C4orf51: variants seen among roughly 807,000 people sequenced by gnomAD.
C4orf51 encodes uncharacterized protein C4orf51.
A neutral mutation model predicts 25.2 loss-of-function variants in C4orf51; 25 were observed. That is an observed-to-expected ratio of 0.99 (90% CI 0.72 to 1.39). The LOEUF (loss-of-function observed/expected upper bound fraction) is 1.39, where lower values mean the gene tolerates loss of function less well. C4orf51 is among the 40% of genes most tolerant of loss of function. The pLI, the probability that C4orf51 is intolerant of heterozygous loss-of-function variation, is 0.00. For missense variants in C4orf51, 252 were observed against 239.6 expected, an observed-to-expected ratio of 1.05 and a Z score of -0.34; for synonymous variants, 100 against 84.5, an observed-to-expected ratio of 1.18 and a Z score of -1.01.
chr4:145,791,938 G>T, the C4orf51 span, among the ~76,000 whole-genome samples: 2 of 152,286 alleles, frequency 1.3e-5, no homozygotes, highest in African/African-American at 2.4e-5. Context: ...ACTAGGAAGC[G>T]TATGTACTCT....
intron 2 of C4orf51, among the ~76,000 whole-genome samples, chr4:145,700,173 G>T: frequency 8.8e-6 from 1 of 113,736 alleles, no homozygotes; most frequent in African/African-American, 3.5e-5. Flanking sequence ...TTATCTCTAT[G>T]CCCCAATCCC....
intron 1 of C4orf51, among the ~76,000 whole-genome samples, chr4:145,689,028 C>A (rs1729361254): frequency 6.6e-6 from 1 of 151,954 alleles, no homozygotes; most frequent in South Asian, 2.1e-4. Flanking sequence ...GAATAAAGAG[C>A]CAGAAACAGA....
downstream of C4orf51, among the ~76,000 whole-genome samples, chr4:145,757,253 T>G (rs1734016397): frequency 1.3e-5 from 2 of 152,220 alleles, no homozygotes; most frequent in Non-Finnish European, 2.9e-5. Flanking sequence ...TTCATTAAGA[T>G]AAATGGAATT....
chr4:145,750,726 T>C (rs1733626834), intron 1 of C4orf51, among the ~76,000 whole-genome samples: 1 of 152,198 alleles, frequency 6.6e-6, no homozygotes, highest in Non-Finnish European at 1.5e-5. Flanking sequence ...TTGAATAAAC[T>C]TTCTACCCCT....
intron 1 of C4orf51, among the ~76,000 whole-genome samples, chr4:145,753,984 A>C (rs190093229): frequency 3.9e-5 from 6 of 152,334 alleles, no homozygotes; most frequent in African/African-American, 1.4e-4. Context: ...GCATCATGAC[A>C]CAGTGCTGTC....
chr4:145,685,425 G>A (rs564269118), intron 1 of C4orf51, among the ~76,000 whole-genome samples: 38 of 152,238 alleles, frequency 2.5e-4, no homozygotes, highest in Admixed American at 1.8e-3. Context: ...TAGGGGCATC[G>A]GCAAGACTCC....
At chr4:145,774,110 T>C (rs1483602425), downstream of C4orf51, among the ~76,000 whole-genome samples, 1 of 152,184 alleles carries the variant, frequency 6.6e-6, no homozygotes, top group East Asian at 1.9e-4. Flanking sequence ...TTTCTTCACC[T>C]GTACTGTACA....
At chr4:145,738,998 C>T (rs1304273893) in intron 1 of C4orf51, among the ~76,000 whole-genome samples, 1 of 152,082 alleles carries the variant, frequency 6.6e-6, no homozygotes, top group African/African-American at 2.4e-5. Context: ...CTGTCCTTGT[C>T]CCTTCCCTTC....
chr4:145,714,599 T>A (rs1251786335), intron 2 of C4orf51, among the ~76,000 whole-genome samples: 1 of 152,272 alleles, frequency 6.6e-6, no homozygotes, highest in African/African-American at 2.4e-5. Context: ...CGTGGCTCAC[T>A]GTGCTTTTTC....
intron 1 of C4orf51, among the ~76,000 whole-genome samples, chr4:145,745,478 T>A (rs1733323602): frequency 6.6e-6 from 1 of 152,204 alleles, no homozygotes; most frequent in Non-Finnish European, 1.5e-5. Flanking sequence ...ACATGTCAAA[T>A]TTGTCTATGT....
chr4:145,693,845 C>T (rs1578933232), intron 1 of C4orf51, among the ~76,000 whole-genome samples: 5 of 59,850 alleles, frequency 8.4e-5, no homozygotes, highest in Admixed American at 1.6e-4. Context: ...GGGGGGCTGA[C>T]CCCCCCCACC....
downstream of C4orf51, chr4:145,774,406 C>T: frequency 1.5e-6 from 2 of 1,321,826 alleles, no homozygotes; most frequent in Non-Finnish European, 2.1e-6. Flanking sequence ...AGGAAAAGGG[C>T]AATGTCTCAG....
In C4orf51 at chr4:145,729,351, A is replaced by C. The variant is rs567251083; in HGVS notation, c.427+122A>C. On this transcript the variant is annotated intron_variant, in intron 4 of 5. Coordinates refer to ENST00000438731, the MANE Select transcript of C4orf51 (RefSeq NM_001080531.3). ...TGGAGTCTCACACTCTCCCAGGCTG[A>C]CGTGCAGTGGCGCGATCTCGGCTCA... 18 of 564,614 alleles carry C rather than the reference A, an allele frequency of 3.2e-5. No homozygotes were observed. The South Asian group carries it at 4.1e-4, about 13-fold the overall frequency. 35.0% of individuals were successfully genotyped at this position (564,614 alleles called of 1,614,324 possible).
At chr4:145,716,814 A>C (rs1283030985) in intron 2 of C4orf51, among the ~76,000 whole-genome samples, 1 of 152,188 alleles carries the variant, frequency 6.6e-6, no homozygotes, top group East Asian at 1.9e-4. Context: ...TGACTTTATA[A>C]GCATAGTACA....
chr4:145,744,618 G>A (rs1202596221), intron 1 of C4orf51, among the ~76,000 whole-genome samples: 1 of 152,012 alleles, frequency 6.6e-6, no homozygotes, highest in Non-Finnish European at 1.5e-5. Context: ...TCAGGAGATC[G>A]AGACCATCCT....
intron 1 of C4orf51, among the ~76,000 whole-genome samples, chr4:145,768,478 T>C (rs572830988): frequency 6.6e-6 from 1 of 152,188 alleles, no homozygotes; most frequent in South Asian, 2.1e-4. Context: ...AGATGTACAT[T>C]ATAAACCCCA....
At position 145,690,282 on chromosome 4, in the gene C4orf51, G is replaced by C. The variant is rs539442601; in HGVS notation, c.234-6277G>C. ...GCACTTTGCAAGGCTAAGGCAGGTGGATCACGAGGTCAGGAGATCAAGACC... is the reference window on the plus strand; with the variant it reads ...GCACTTTGCAAGGCTAAGGCAGGTGCATCACGAGGTCAGGAGATCAAGACC... On this transcript the variant is annotated intron_variant, in intron 1 of 5. Coordinates refer to ENST00000438731, the MANE Select transcript of C4orf51 (RefSeq NM_001080531.3). 1.1e-3 allele frequency among the ~76,000 whole-genome samples: 165 copies of C among 151,970 alleles called. 2 individuals are homozygous for C. The highest frequency in any genetic ancestry group is 1.7e-3 in the Admixed American group (26 of 15,240).
chr4:145,749,085 A>ATG (rs1212029054), intron 1 of C4orf51, among the ~76,000 whole-genome samples: 2 of 148,350 alleles, frequency 1.3e-5, no homozygotes, highest in Non-Finnish European at 3.0e-5. Flanking sequence ...ATATATATAT[A>ATG]TGTATATATA....
chr4:145,727,837 A>ATGCCAC (rs1331676833), intron 3 of C4orf51, among the ~76,000 whole-genome samples: 1 of 145,522 alleles, frequency 6.9e-6, no homozygotes, highest in Non-Finnish European at 1.5e-5. Context: ...AGCTGAGATC[A>ATGCCAC]TGCCACTGCA....
Sources: allele counts gnomAD v4.1 joint callset (sites outside exome capture counted in the v4.1 genomes callset), GRCh38; gene constraint gnomAD v4.1.1; transcripts MANE v1.5; gene names NCBI Gene and HGNC (gene_info 2026-07-23, HGNC 2026-07-21).